The following MPDZ variants were observed in gnomAD, a reference collection of about 807,000 sequenced individuals.
MPDZ encodes multiple PDZ domain protein.
Under a neutral mutation model 239.1 loss-of-function variants are expected in MPDZ, and 234 were observed. The ratio of observed to expected loss-of-function variants is 0.98; its 90% confidence interval spans 0.88 to 1.09. The LOEUF (loss-of-function observed/expected upper bound fraction) is 1.09, where lower values mean the gene tolerates loss of function less well. Ranked by LOEUF, MPDZ falls within the 50% of genes least tolerant of loss-of-function variation. The pLI is 0.00. For missense variants in MPDZ, 3,175 were observed against 2,510.0 expected (o/e 1.26, Z -5.66); for synonymous variants, 1,048 against 881.3 (o/e 1.19, Z -3.35).
At chr9:13,269,624 A>C (rs1972524961) in intron 1 of MPDZ, among the ~76,000 whole-genome samples, 1 of 152,206 alleles carries the variant, frequency 6.6e-6, no homozygotes, top group Admixed American at 6.5e-5. Flanking sequence ...GCATACAAAC[A>C]AGAAAAAAAT....
intron 24 of MPDZ, 76 bp from the exon 25 acceptor site, chr9:13,150,764 G>T: frequency 2.0e-6 from 2 of 1,004,130 alleles, no homozygotes; most frequent in South Asian, 4.8e-5. Flanking sequence ...ATTTGGCAAT[G>T]ATTTCTTATA....
chr9:13,158,916 C>G (rs575390409), intron 23 of MPDZ, among the ~76,000 whole-genome samples: 1 of 152,116 alleles, frequency 6.6e-6, no homozygotes, highest in Non-Finnish European at 1.5e-5. Context: ...CTGATTATGG[C>G]CTGTGCCTTG....
chr9:13,241,488 G>A (rs546439798), intron 3 of MPDZ, among the ~76,000 whole-genome samples: 75 of 152,268 alleles, frequency 4.9e-4, no homozygotes, highest in Non-Finnish European at 9.0e-4. Context: ...TTCTTGGAAA[G>A]ACAGTAGTCA....
chr9:13,179,739 G>C (rs1334376005), intron 19 of MPDZ, among the ~76,000 whole-genome samples: 1 of 152,018 alleles, frequency 6.6e-6, no homozygotes, highest in African/African-American at 2.4e-5. Flanking sequence ...ATTAAAAAAG[G>C]TTAAATTAAA....
intron 12 of MPDZ, among the ~76,000 whole-genome samples, chr9:13,198,737 C>CTCTCTGTGTGTGTGTGTG (rs755487892): frequency 0.058 from 3,959 of 68,778 alleles, 249 homozygotes; most frequent in Non-Finnish European, 0.077. Context: ...ATCTCTCTCT[C>CTCTCTGTGTGTGTGTGTG]TGTGTGTGTG....
intron 18 of MPDZ, among the ~76,000 whole-genome samples, chr9:13,184,337 C>A (rs902940358): frequency 1.3e-5 from 2 of 151,916 alleles, no homozygotes; most frequent in African/African-American, 4.8e-5. Flanking sequence ...TGAGAATAGG[C>A]AGAACTGACA....
intron 22 of MPDZ, chr9:13,165,338 T>A: frequency 6.5e-7 from 1 of 1,546,068 alleles, no homozygotes; most frequent in Non-Finnish European, 8.7e-7. Context: ...CACACAGCCA[T>A]AATGAGCTTT....
In MPDZ at chr9:13,138,158, A is replaced by G. The variant is rs554094224; in HGVS notation, c.4004-5T>C. The G allele has an allele frequency of 5.3e-5, 83 of 1,562,628 alleles. No individual in the cohort carries two copies. Among genetic ancestry groups the G allele is most frequent in the African/African-American group, 3.7e-4 (27 of 73,194 alleles). ...CATAACGCTCTCTGATATTTTCTAC[A>G]TACAACAACAACAACAAATACATAT... On this transcript the variant is annotated splice_region_variant and splice_polypyrimidine_tract_variant and intron_variant, in intron 28 of 46. Transcript: ENST00000319217.
chr9:13,164,391 AAAAAT>A (rs1414108215), intron 22 of MPDZ, among the ~76,000 whole-genome samples: 1 of 152,178 alleles, frequency 6.6e-6, no homozygotes, highest in Admixed American at 6.6e-5. Flanking sequence ...TAAACAATGA[AAAAAT>A]AAAATAAAGA....
In MPDZ at chr9:13,180,165, T is replaced by C. The variant is rs113421735; in HGVS notation, c.2649+3253A>G. 4.5e-3 allele frequency among the ~76,000 whole-genome samples: 681 copies of C among 152,186 alleles called. 3 individuals are homozygous for C. The highest frequency in any genetic ancestry group is 0.016 in the African/African-American group (657 of 41,526). On this transcript the variant is annotated intron_variant, in intron 19 of 46. Coordinates refer to ENST00000319217, the MANE Select transcript of MPDZ (RefSeq NM_001378778.1). ...CCCATCTGCAAAAAAAAATAAGAAA[T>C]AGTATCAACATTCTAAACATGGATG...
At chr9:13,188,605 C>A (rs1257816511) in intron 17 of MPDZ, among the ~76,000 whole-genome samples, 179 bp downstream of exon 17, 1 of 151,970 alleles carries the variant, frequency 6.6e-6, no homozygotes, top group East Asian at 1.9e-4. Context: ...ATTTTCTTTC[C>A]TTTATTTTTT....
intron 20 of MPDZ, 112 bp from the exon 21 acceptor site, chr9:13,175,987 A>G: frequency 7.0e-7 from 1 of 1,434,672 alleles, no homozygotes; most frequent in South Asian, 1.4e-5. Flanking sequence ...TTTTGCAAGA[A>G]CCTGCAACCA....
chr9:13,113,334 T>A (rs953043869), intron 41 of MPDZ, among the ~76,000 whole-genome samples: 2 of 152,096 alleles, frequency 1.3e-5, no homozygotes, highest in Admixed American at 1.3e-4. Flanking sequence ...GCAGAATGTG[T>A]TTTGCATAGA....
rs1174385654 is a variant in MPDZ at position 13,106,476 on chromosome 9, G to C, written c.*489C>G. 6.6e-6 allele frequency: 1 copy of C among 151,836 alleles called. No individual in the cohort carries two copies. The highest frequency in any genetic ancestry group is 6.6e-5 in the Admixed American group (1 of 15,216). The allele number at this position is 151,836 out of a possible 1,614,324, so 9.4% of individuals were successfully genotyped here. ...ACAGTATTTTTAAAGATTTTCATTA[G>C]AAAACCTTTTTTTCTTTTTTTAGTT... On this transcript the variant is annotated 3_prime_UTR_variant, in exon 47 of 47. Transcript: ENST00000319217.
At chr9:13,178,943 GCTTT>G (rs1952895151) in intron 19 of MPDZ, among the ~76,000 whole-genome samples, 2 of 152,172 alleles carry the variant, frequency 1.3e-5, no homozygotes, top group South Asian at 2.1e-4. Flanking sequence ...TTTTATAAAT[GCTTT>G]CTTTTAGATT....
At chr9:13,189,765 T>C (rs1207909728) in intron 16 of MPDZ, among the ~76,000 whole-genome samples, 4 of 152,210 alleles carry the variant, frequency 2.6e-5, no homozygotes, top group Non-Finnish European at 5.9e-5. Flanking sequence ...ATTCATGTTA[T>C]AGACAAAAGA....
In MPDZ at chr9:13,240,805, T is replaced by C. The variant is rs189098661; in HGVS notation, c.183+6830A>G. Among the ~76,000 whole-genome samples, 8 of 152,118 alleles carry C rather than the reference T, an allele frequency of 5.3e-5. 1 individual carries two copies. Among genetic ancestry groups the C allele is most frequent in the South Asian group, 4.1e-4 (2 of 4,824 alleles). ...CACATAAGGGCTTCTTGAAAGGTAATTGTTGTAGCTTCAAGTGAAAAATAA... is the reference window on the plus strand; with the variant it reads ...CACATAAGGGCTTCTTGAAAGGTAACTGTTGTAGCTTCAAGTGAAAAATAA... On this transcript the variant is annotated intron_variant, in intron 3 of 46. Transcript: ENST00000319217.
chr9:13,171,298 A>C (rs1052544687), intron 21 of MPDZ, among the ~76,000 whole-genome samples: 2 of 152,142 alleles, frequency 1.3e-5, no homozygotes, highest in African/African-American at 4.8e-5. Flanking sequence ...CTAAAGACTA[A>C]ATGCAAATCT....
At chr9:13,242,634 G>A (rs1965704260) in intron 3 of MPDZ, among the ~76,000 whole-genome samples, 1 of 151,802 alleles carries the variant, frequency 6.6e-6, no homozygotes, top group African/African-American at 2.4e-5. Flanking sequence ...AAGAACAAAG[G>A]TGATTAACCA....
Sources: allele counts gnomAD v4.1 joint callset (sites outside exome capture counted in the v4.1 genomes callset), GRCh38; gene constraint gnomAD v4.1.1; transcripts MANE v1.5; gene names NCBI Gene and HGNC (gene_info 2026-07-23, HGNC 2026-07-21).